GMDS: variants seen among roughly 807,000 people sequenced by gnomAD.
The protein encoded by GMDS is GDP-mannose 4,6 dehydratase.
Under a neutral mutation model 49.9 loss-of-function variants are expected in GMDS, and 20 were observed. That is an observed-to-expected ratio of 0.40 (90% CI 0.28 to 0.58). The LOEUF is 0.58. Among genes scored for constraint, GMDS ranks in the 20% least tolerant of loss-of-function variants. The pLI is 0.42. For missense variants in GMDS, 362 were observed against 481.4 expected (o/e 0.75, Z 2.32); for synonymous variants, 177 against 178.6 (o/e 0.99, Z 0.07).
chr6:2,236,461 A>C (rs761627211), intron 1 of GMDS, among the ~76,000 whole-genome samples: 9 of 152,228 alleles, frequency 5.9e-5, no homozygotes, highest in Non-Finnish European at 1.3e-4. Flanking sequence ...TACTCCAACA[A>C]GCATATATGC....
intron 1 of GMDS, among the ~76,000 whole-genome samples, chr6:2,187,398 C>T (rs1021891582): frequency 6.6e-6 from 1 of 152,182 alleles, no homozygotes; most frequent in African/African-American, 2.4e-5. Context: ...ATGTCACAAG[C>T]TTGACTCTCA....
In GMDS at chr6:2,145,886, G is replaced by A. The variant is rs115959420; in HGVS notation, c.103-21155C>T. Among the ~76,000 whole-genome samples, 868 of 152,256 alleles carry A rather than the reference G, an allele frequency of 5.7e-3. 2 individuals carry two copies. Among genetic ancestry groups the A allele is most frequent in the Middle Eastern group, 0.017 (5 of 294 alleles). On this transcript the variant is annotated intron_variant, in intron 1 of 10. Transcript: ENST00000380815. The stretch of plus-strand genomic sequence containing the variant: ...AAATAAAGTATACAGGAGGATGTAC[G>A]TAAGTTATATGCAAATACCACACCA...
intron 1 of GMDS, among the ~76,000 whole-genome samples, chr6:2,132,742 A>C (rs1775804194): frequency 6.6e-6 from 1 of 152,232 alleles, no homozygotes; most frequent in Non-Finnish European, 1.5e-5. Context: ...AGGAAATACA[A>C]GAAGAATATC....
intron 7 of GMDS, among the ~76,000 whole-genome samples, chr6:1,849,542 T>C (rs1166608876): frequency 6.6e-6 from 1 of 152,222 alleles, no homozygotes; most frequent in Non-Finnish European, 1.5e-5. Flanking sequence ...GACTTGCTAA[T>C]AAACGCAAAA....
chr6:1,881,266 G>C (rs1759348754), intron 7 of GMDS, among the ~76,000 whole-genome samples: 1 of 152,110 alleles, frequency 6.6e-6, no homozygotes, highest in South Asian at 2.1e-4. Flanking sequence ...TGAGAACATG[G>C]GAGAAACAAA....
intron 4 of GMDS, among the ~76,000 whole-genome samples, chr6:2,082,713 G>A (rs991859188): frequency 6.6e-6 from 1 of 152,258 alleles, no homozygotes; most frequent in East Asian, 1.9e-4. Context: ...AAGAAATATT[G>A]CACACTGTAA....
chr6:2,225,921 A>T (rs1051296288), intron 1 of GMDS, among the ~76,000 whole-genome samples: 1 of 152,166 alleles, frequency 6.6e-6, no homozygotes, highest in African/African-American at 2.4e-5. Context: ...CAGGAGAGCC[A>T]AGGACTGCCA....
intron 7 of GMDS, 92 bp from the exon 8 acceptor site, chr6:1,742,678 A>G: frequency 1.5e-6 from 1 of 685,182 alleles, no homozygotes; most frequent in Non-Finnish European, 2.6e-6. Context: ...GGACATCGAC[A>G]GCTGGAACAT....
intron 4 of GMDS, among the ~76,000 whole-genome samples, chr6:2,018,096 A>G (rs1204869926): frequency 1.3e-5 from 2 of 152,128 alleles, no homozygotes; most frequent in Admixed American, 6.5e-5. Context: ...TTGTTTCTTC[A>G]TTGAAATCTT....
chr6:1,626,981 C>A (rs983826943), intron 9 of GMDS, among the ~76,000 whole-genome samples: 6 of 152,244 alleles, frequency 3.9e-5, no homozygotes, highest in African/African-American at 1.4e-4. Flanking sequence ...TCCAATACTG[C>A]AGTCTAGCTG....
At chr6:1,969,291 GAGAA>G (rs1435649055) in intron 4 of GMDS, among the ~76,000 whole-genome samples, 4 of 92,978 alleles carry the variant, frequency 4.3e-5, no homozygotes, top group Admixed American at 1.2e-4. Context: ...AAAAAAAAAA[GAGAA>G]AGAAAGAAAA....
chr6:2,036,872 T>TTATGC (rs1473513749), intron 4 of GMDS, among the ~76,000 whole-genome samples: 3 of 152,220 alleles, frequency 2.0e-5, no homozygotes, highest in Admixed American at 6.5e-5. Context: ...GTAGCTCACC[T>TTATGC]TATGCTATCC....
chr6:2,028,599 G>C (rs978605405), intron 4 of GMDS, among the ~76,000 whole-genome samples: 1 of 152,184 alleles, frequency 6.6e-6, no homozygotes, highest in Admixed American at 6.5e-5. Context: ...TGTAACGAAA[G>C]AGGAAGCACA....
intron 9 of GMDS, among the ~76,000 whole-genome samples, chr6:1,671,600 C>G (rs560348860): frequency 6.0e-4 from 91 of 151,946 alleles, no homozygotes; most frequent in Non-Finnish European, 1.5e-5. Context: ...TTGTCCATCC[C>G]TAAGTATGTA....
intron 1 of GMDS, among the ~76,000 whole-genome samples, chr6:2,235,825 A>T (rs1437511211): frequency 1.3e-5 from 2 of 151,668 alleles, no homozygotes; most frequent in East Asian, 1.9e-4. Context: ...AAAATAAAAA[A>T]AATAAGAAAA....
chr6:2,161,823 C>G (rs992495716), intron 1 of GMDS, among the ~76,000 whole-genome samples: 1 of 152,156 alleles, frequency 6.6e-6, no homozygotes, highest in East Asian at 1.9e-4. Context: ...AAAGGACTTC[C>G]TGGCTGTGAC....
In GMDS at chr6:2,045,836, T is replaced by C. The variant is rs564649353; in HGVS notation, c.345+69935A>G. ...TTTCAACAATCCCATTTGTAAGTAA[T>C]AACTATAACACCACTAGACATGGAT... On this transcript the variant is annotated intron_variant, in intron 4 of 10. Transcript: ENST00000380815. 4.1e-4 allele frequency among the ~76,000 whole-genome samples: 62 copies of C among 152,214 alleles called. 1 individual carries two copies. The Middle Eastern group carries it at 0.01, about 25-fold the overall frequency.
chr6:2,109,365 A>C (rs1277064473), intron 4 of GMDS, among the ~76,000 whole-genome samples: 1 of 152,168 alleles, frequency 6.6e-6, no homozygotes, highest in East Asian at 1.9e-4. Flanking sequence ...CTTAAGTTCG[A>C]GTGTAGTTAA....
At chr6:2,096,790 A>C (rs1421113900) in intron 4 of GMDS, among the ~76,000 whole-genome samples, 2 of 152,236 alleles carry the variant, frequency 1.3e-5, no homozygotes, top group Non-Finnish European at 2.9e-5. Flanking sequence ...AAAAGCTCCA[A>C]GTACAGTTAT....
Sources: gnomAD v4.1 joint callset for allele counts (sites outside exome capture counted in the v4.1 genomes callset) on GRCh38, gnomAD v4.1.1 for gene constraint, MANE v1.5 for transcripts, NCBI Gene and HGNC (gene_info 2026-07-23, HGNC 2026-07-21) for gene names.